The following EYS variants were observed in gnomAD, a reference collection of about 807,000 sequenced individuals.
The protein encoded by EYS is protein eyes shut homolog.
A neutral mutation model predicts 282.1 loss-of-function variants in EYS; 250 were observed. The observed-to-expected ratio is 0.89, with a 90% CI of 0.80 to 0.98. The LOEUF (loss-of-function observed/expected upper bound fraction) is 0.98, where lower values mean the gene tolerates loss of function less well. Ranked by LOEUF, EYS falls within the 50% of genes least tolerant of loss-of-function variation. EYS has a pLI of 0.00. For synonymous variants in EYS, 1,355 were observed against 1,282.9 expected (o/e 1.06, Z -1.20); for missense variants, 4,016 against 3,709.0 (o/e 1.08, Z -2.15).
chr6:65,616,069 C>T (rs1392151006), intron 2 of EYS, among the ~76,000 whole-genome samples: 1 of 126,168 alleles, frequency 7.9e-6, no homozygotes, highest in African/African-American at 2.5e-5. Flanking sequence ...AAGCATTAAA[C>T]ATTTACTCTT....
intron 11 of EYS, chr6:65,331,382 T>A (rs928420906): frequency 2.2e-5 from 17 of 780,374 alleles, no homozygotes; most frequent in Non-Finnish European, 2.3e-5. Flanking sequence ...ATCTTTTTTT[T>A]AATTCTAAAC....
chr6:65,689,378 G>C (rs1769152815), intron 1 of EYS, among the ~76,000 whole-genome samples: 1 of 149,482 alleles, frequency 6.7e-6, no homozygotes, highest in Non-Finnish European at 1.5e-5. Flanking sequence ...CTGTTGTGGA[G>C]TGGGGGTAGG....
At chr6:63,837,165 T>C (rs995883972) in intron 36 of EYS, among the ~76,000 whole-genome samples, 2 of 152,108 alleles carry the variant, frequency 1.3e-5, no homozygotes, top group South Asian at 2.1e-4. Context: ...AAGAACACTA[T>C]ATTTTGAGTG....
intron 33 of EYS, among the ~76,000 whole-genome samples, chr6:64,007,285 T>C (rs1768393756): frequency 6.6e-6 from 1 of 152,068 alleles, no homozygotes; most frequent in African/African-American, 2.4e-5. Context: ...GTGTGCATAG[T>C]GGTGTTTGAA....
rs575953991 is a variant in EYS, at chr6:65,622,726, A to G, written c.-333+17052T>C. ...AAGAGTAAGACCACATTTTTAATGA[A>G]TATCTCTTACTATATAGGAATAATC... On this transcript the variant is annotated intron_variant, in intron 2 of 42. Transcript: ENST00000503581. 2.0e-5 allele frequency among the ~76,000 whole-genome samples: 3 copies of G among 151,516 alleles called. No homozygotes were observed. In the South Asian group the frequency reaches 6.2e-4, roughly 31 times the overall value.
chr6:64,253,384 A>C (rs1377927321), intron 30 of EYS, among the ~76,000 whole-genome samples: 1 of 152,134 alleles, frequency 6.6e-6, no homozygotes, highest in African/African-American at 2.4e-5. Context: ...TTTAAATGTA[A>C]GTGTTTGAAA....
chr6:64,444,519 C>T (rs913325658), intron 26 of EYS, among the ~76,000 whole-genome samples: 4 of 151,992 alleles, frequency 2.6e-5, no homozygotes, highest in African/African-American at 9.7e-5. Flanking sequence ...AATTCAGTGG[C>T]TTTTTCATTA....
chr6:64,050,683 G>T (rs9344699), intron 33 of EYS, among the ~76,000 whole-genome samples: 32,773 of 152,012 alleles, frequency 0.22, 3,765 homozygotes, highest in Middle Eastern at 0.33. Flanking sequence ...CATTCCTTCA[G>T]CATGCTGCTC....
chr6:65,090,051 C>G (rs1419382673), intron 12 of EYS, among the ~76,000 whole-genome samples: 1 of 150,742 alleles, frequency 6.6e-6, no homozygotes, highest in South Asian at 2.1e-4. Flanking sequence ...GGGCATAAGG[C>G]CATAATTCTG....
chr6:63,742,107 G>C, intron 41 of EYS: 2 of 618,896 alleles, frequency 3.2e-6, no homozygotes, highest in South Asian at 3.6e-5. Flanking sequence ...TTGTACATCT[G>C]TCCTGCAGTT....
rs541338921 is a variant in EYS at position 64,310,834 on chromosome 6, AT to A, written c.6079-3753del. Reference sequence around the variant, plus strand: ...GAACAAAATGGGAAGACTGGACTGAATTTTTTTTGTGTACTTTAAGTGCTGG... The same window carrying A: ...GAACAAAATGGGAAGACTGGACTGAATTTTTTTGTGTACTTTAAGTGCTGG... On this transcript the variant is annotated intron_variant, in intron 29 of 42. Transcript: ENST00000503581. 2.9e-3 allele frequency among the ~76,000 whole-genome samples: 448 copies of A among 152,090 alleles called. 3 individuals are homozygous for A. Among genetic ancestry groups the A allele is most frequent in the African/African-American group, 0.01 (419 of 41,504 alleles).
chr6:64,297,785 C>G (rs983053374), intron 30 of EYS, among the ~76,000 whole-genome samples: 4 of 152,020 alleles, frequency 2.6e-5, no homozygotes, highest in African/African-American at 9.7e-5. Context: ...TGAGACTAGC[C>G]TGGCCAACAT....
At chr6:65,573,638 G>A (rs1216149425) in intron 2 of EYS, among the ~76,000 whole-genome samples, 1 of 152,162 alleles carries the variant, frequency 6.6e-6, no homozygotes, top group Non-Finnish European at 1.5e-5. Context: ...TCCAGGCTCT[G>A]TGGCTGTACT....
chr6:63,749,531 A>G (rs886245400), intron 41 of EYS, among the ~76,000 whole-genome samples: 1 of 152,088 alleles, frequency 6.6e-6, no homozygotes, highest in African/African-American at 2.4e-5. Flanking sequence ...TAGGTCCTGA[A>G]TATCTTTGTT....
chr6:64,901,754 A>G (rs1767672111), intron 18 of EYS, among the ~76,000 whole-genome samples: 1 of 152,162 alleles, frequency 6.6e-6, no homozygotes, highest in Non-Finnish European at 1.5e-5. Context: ...AATATTGTAT[A>G]AAAGTTAAAA....
chr6:64,387,539 A>C (rs1772952900), intron 29 of EYS, among the ~76,000 whole-genome samples: 1 of 152,132 alleles, frequency 6.6e-6, no homozygotes, highest in Admixed American at 6.5e-5. Context: ...TCCATTCTTT[A>C]ACTGAGGCCT....
intron 35 of EYS, among the ~76,000 whole-genome samples, chr6:63,956,747 A>T: frequency 6.6e-6 from 1 of 152,190 alleles, no homozygotes; most frequent in East Asian, 1.9e-4. Flanking sequence ...CTTGTCTGCA[A>T]GTTTAACACG....
At position 64,246,329 on chromosome 6, in the gene EYS, T is replaced by G. The variant is rs1767022906; in HGVS notation, c.6192-15505A>C. Among the ~76,000 whole-genome samples the G allele has an allele frequency of 2.0e-5, 3 of 152,132 alleles. No individual in the cohort carries two copies. In the South Asian group the frequency reaches 6.2e-4, roughly 31 times the overall value. On this transcript the variant is annotated intron_variant, in intron 30 of 42. Transcript: ENST00000503581. ...ATATGTCTTATAGCTGGATATTTTTTTAGTTGCCATACTACCTGAAATGGA... is the reference window on the plus strand; with the variant it reads ...ATATGTCTTATAGCTGGATATTTTTGTAGTTGCCATACTACCTGAAATGGA...
intron 15 of EYS, among the ~76,000 whole-genome samples, chr6:64,928,101 T>G (rs1239971432): frequency 6.6e-6 from 1 of 152,112 alleles, no homozygotes; most frequent in Non-Finnish European, 1.5e-5. Flanking sequence ...CATTTTATTA[T>G]GTGTAATCAC....
Sources: allele counts gnomAD v4.1 joint callset (sites outside exome capture counted in the v4.1 genomes callset), GRCh38; gene constraint gnomAD v4.1.1; transcripts MANE v1.5; gene names NCBI Gene and HGNC (gene_info 2026-07-23, HGNC 2026-07-21).